Variants in SEM1 observed in about 807,000 individuals in gnomAD.
SEM1 encodes the protein SEM1 26S proteasome subunit, also known as 26S proteasome complex subunit SEM1.
Under a neutral mutation model 12.7 loss-of-function variants are expected in SEM1, and 3 were observed. That is an observed-to-expected ratio of 0.24 (90% CI 0.11 to 0.61). The LOEUF is 0.61. SEM1 is among the 20% of genes least tolerant of loss of function. The pLI is 0.88. For synonymous variants in SEM1, 30 were observed against 27.8 expected (o/e 1.08, Z -0.25); for missense variants, 59 against 81.3 (o/e 0.73, Z 1.06).
rs1805633373 is a variant in SEM1 at position 96,559,702 on chromosome 7, C to T, written c.171-53004G>A. Among the ~76,000 whole-genome samples, 3 of 152,236 alleles carry T rather than the reference C, an allele frequency of 2.0e-5. No individual in the cohort carries two copies. The South Asian group carries it at 6.2e-4, about 31-fold the overall frequency. On this transcript the variant is annotated intron_variant and NMD_transcript_variant, in intron 2 of 3. Transcript: ENST00000466986. ...ACATGTTGTAGAGAGTACTAGAGCT[C>T]ACCCATATCTTGTTATCTTCTTCCT...
intron 2 of SEM1, among the ~76,000 whole-genome samples, chr7:96,633,237 CAT>C (rs1808328054): frequency 6.6e-6 from 1 of 151,906 alleles, no homozygotes; most frequent in South Asian, 2.1e-4. Context: ...CTTTAATTGT[CAT>C]AGGAAAAATA....
chr7:96,580,173 T>C lies in SEM1; in HGVS notation c.171-73475A>G, dbSNP rs1168900125. Among the ~76,000 whole-genome samples the C allele has an allele frequency of 2.1e-5, 3 of 142,564 alleles. 1 individual carries two copies. Among genetic ancestry groups the C allele is most frequent in the Non-Finnish European group, 4.5e-5 (3 of 66,214 alleles). The allele number at this position is 142,564 out of a possible 152,430, so 93.5% of individuals were successfully genotyped here. The stretch of plus-strand genomic sequence containing the variant: ...TGTGATGTTCCCCTTCCTGTGTCCG[T>C]GTGTTCTCGTTGTTCAATTCCCACC... On this transcript the variant is annotated intron_variant and NMD_transcript_variant, in intron 2 of 3. Transcript: ENST00000466986.
At chr7:96,689,817 C>A (rs1789874163) in intron 2 of SEM1, among the ~76,000 whole-genome samples, 1 of 152,106 alleles carries the variant, frequency 6.6e-6, no homozygotes, top group African/African-American at 2.4e-5. Context: ...GTGGTATAAA[C>A]CCTGGATTAG....
At chr7:96,687,215 G>A (rs1454474859), downstream of SEM1, among the ~76,000 whole-genome samples, 2 of 152,178 alleles carry the variant, frequency 1.3e-5, no homozygotes, top group African/African-American at 4.8e-5. Context: ...AACCATTGTG[G>A]AAGTCAGTGT....
At chr7:96,582,783 A>T (rs1292039731) in intron 2 of SEM1, among the ~76,000 whole-genome samples, 1 of 152,192 alleles carries the variant, frequency 6.6e-6, no homozygotes, top group Non-Finnish European at 1.5e-5. Flanking sequence ...GTATTATCTT[A>T]TGGTAGTTTA....
At chr7:96,660,959 C>G (rs1788983832) in intron 2 of SEM1, among the ~76,000 whole-genome samples, 1 of 151,988 alleles carries the variant, frequency 6.6e-6, no homozygotes, top group Non-Finnish European at 1.5e-5. Context: ...TGAAATAGAA[C>G]AAGTGAAAGG....
intron 2 of SEM1, among the ~76,000 whole-genome samples, chr7:96,585,699 T>G (rs966091944): frequency 1.4e-4 from 22 of 151,994 alleles, no homozygotes; most frequent in Admixed American, 1.0e-3. Context: ...GTCGGAAAAG[T>G]GCAGTATTCG....
chr7:96,705,988 C>A (rs1313113493), intron 1 of SEM1, among the ~76,000 whole-genome samples: 1 of 152,100 alleles, frequency 6.6e-6, no homozygotes, highest in Non-Finnish European at 1.5e-5. Context: ...ATATCAAAAT[C>A]AATCACACCC....
At chr7:96,486,112 C>T in intron 2 of SEM1, 1 of 897,004 alleles carries the variant, frequency 1.1e-6, no homozygotes, top group East Asian at 2.6e-5. Flanking sequence ...TGTTGCTGGC[C>T]TTTAGTTTTA....
At chr7:96,631,698 A>T (rs1808267904) in intron 2 of SEM1, among the ~76,000 whole-genome samples, 1 of 152,356 alleles carries the variant, frequency 6.6e-6, no homozygotes, top group African/African-American at 2.4e-5. Flanking sequence ...GCCAAAATTG[A>T]CAAATGGGAT....
At chr7:96,482,233 G>C (rs1270901927) in exon 4 of SEM1, 1 of 152,186 alleles carries the variant, frequency 6.6e-6, no homozygotes, top group African/African-American at 2.4e-5. Flanking sequence ...CCTAGGACCT[G>C]AGCAGTGTGG....
intron 2 of SEM1, among the ~76,000 whole-genome samples, chr7:96,649,026 G>A (rs949050633): frequency 2.0e-5 from 3 of 152,226 alleles, no homozygotes; most frequent in Non-Finnish European, 4.4e-5. Flanking sequence ...GCCTCCCTGA[G>A]CTGAGGACTG....
chr7:96,492,836 T>C, intron 1 of SEM1, among the ~76,000 whole-genome samples: 1 of 151,888 alleles, frequency 6.6e-6, no homozygotes, highest in East Asian at 1.9e-4. Flanking sequence ...TCAATGGACA[T>C]TTTGGTTGTT....
At chr7:96,588,394 ACAC>A (rs1347600319) in intron 2 of SEM1, among the ~76,000 whole-genome samples, 454 of 68,516 alleles carry the variant, frequency 6.6e-3, no homozygotes, top group African/African-American at 0.02. Flanking sequence ...ACACACACAC[ACAC>A]GAGAGAGAGA....
At chr7:96,649,355 A>G (rs1808895726) in intron 2 of SEM1, 1 of 152,184 alleles carries the variant, frequency 6.6e-6, no homozygotes. Flanking sequence ...TTTCTCCAAA[A>G]AAATATTCTG....
chr7:96,514,352 A>G (rs547709229), intron 2 of SEM1, among the ~76,000 whole-genome samples: 13 of 152,228 alleles, frequency 8.5e-5, no homozygotes, highest in African/African-American at 2.9e-4. Context: ...AGCTATGACT[A>G]TGGGCACATG....
chr7:96,504,186 C>G (rs1803668129), intron 3 of SEM1, among the ~76,000 whole-genome samples: 1 of 152,108 alleles, frequency 6.6e-6, no homozygotes, highest in African/African-American at 2.4e-5. Flanking sequence ...GGGGTCCAAA[C>G]CTCACAGGTA....
At chr7:96,542,348 GT>G (rs921995348) in intron 2 of SEM1, among the ~76,000 whole-genome samples, 1 of 151,612 alleles carries the variant, frequency 6.6e-6, no homozygotes, top group Non-Finnish European at 1.5e-5. Context: ...TAGGTATTTT[GT>G]TTGTGTGGCT....
chr7:96,707,286 A>C (rs914816744), intron 1 of SEM1, among the ~76,000 whole-genome samples: 5 of 152,226 alleles, frequency 3.3e-5, no homozygotes, highest in Admixed American at 6.5e-5. Flanking sequence ...AAAAGAAATA[A>C]TTCTTTGGTG....
Sources: allele counts gnomAD v4.1 joint callset (sites outside exome capture counted in the v4.1 genomes callset), GRCh38; gene constraint gnomAD v4.1.1; transcripts MANE v1.5; gene names NCBI Gene and HGNC (gene_info 2026-07-23, HGNC 2026-07-21).